Variants in PRKCD observed in about 807,000 individuals in gnomAD.
PRKCD encodes protein kinase C delta type.
PRKCD carries 20 observed loss-of-function variants against 82.2 expected under a neutral mutation model. The observed-to-expected ratio is 0.24, with a 90% CI of 0.17 to 0.35. The LOEUF is 0.35. Among genes scored for constraint, PRKCD ranks in the 10% least tolerant of loss-of-function variants. The pLI is 1.00. For missense variants in PRKCD, 607 were observed against 899.0 expected (o/e 0.68, Z 4.15); for synonymous variants, 317 against 337.0 (o/e 0.94, Z 0.65).
At chr3:53,188,895 G>A (rs923655070) in intron 16 of PRKCD, 37 bp downstream of exon 16, 2 of 1,609,448 alleles carry the variant, frequency 1.2e-6, no homozygotes, top group South Asian at 2.2e-5. Context: ...GCTCAGTCAG[G>A]CACCTTGCCT....
intron 14 of PRKCD, 75 bp from the exon 15 acceptor site, chr3:53,187,265 G>A: frequency 6.6e-7 from 1 of 1,506,274 alleles, no homozygotes; most frequent in Non-Finnish European, 9.2e-7. Flanking sequence ...CCTGGAAGTG[G>A]GGTTGAGGGC....
At chr3:53,167,096 C>T (rs1363835007) in intron 2 of PRKCD, among the ~76,000 whole-genome samples, 1 of 152,214 alleles carries the variant, frequency 6.6e-6, no homozygotes, top group Admixed American at 6.5e-5. Flanking sequence ...TTCCCAAAGC[C>T]TGGGCCTAGG....
chr3:53,172,470 C>T (rs2107236620), intron 2 of PRKCD, among the ~76,000 whole-genome samples: 1 of 152,340 alleles, frequency 6.6e-6, no homozygotes, highest in East Asian at 1.9e-4. Flanking sequence ...GCCTTGGTCT[C>T]CTCCGCCCTC....
At chr3:53,165,301 A>T (rs1437784873) in intron 2 of PRKCD, 86 bp downstream of exon 2, 1 of 152,460 alleles carries the variant, frequency 6.6e-6, no homozygotes, top group Admixed American at 6.5e-5. Context: ...GTGGAACTGG[A>T]TGGGGTTGGG....
intron 2 of PRKCD, among the ~76,000 whole-genome samples, chr3:53,175,574 A>G (rs1340586689): frequency 6.6e-6 from 1 of 152,142 alleles, no homozygotes; most frequent in African/African-American, 2.4e-5. Context: ...CGGCCTGGCC[A>G]TCATTTTGCC....
At chr3:53,164,904 G>A (rs1553663597) in intron 1 of PRKCD, among the ~76,000 whole-genome samples, 200 bp from the exon 2 acceptor site, 2 of 152,150 alleles carry the variant, frequency 1.3e-5, no homozygotes, top group African/African-American at 4.8e-5. Context: ...CCCCTACCAT[G>A]GAGTGGACAA....
At position 53,180,958 on chromosome 3, in the gene PRKCD, T is replaced by C. The variant is rs529047726; in HGVS notation, c.316-249T>C. ...CCGCTCTATTCCCCAGCTATGTGTC[T>C]GGGCTGGGTGTGGGCTGGACCCTTT... On this transcript the variant is annotated intron_variant, in intron 4 of 18. Transcript: ENST00000330452. 1.3e-3 allele frequency among the ~76,000 whole-genome samples: 191 copies of C among 148,648 alleles called. 1 individual carries two copies. The highest frequency in any genetic ancestry group is 2.1e-3 in the Non-Finnish European group (139 of 67,456).
Position 53,178,536 on chromosome 3 carries a change from A to G in PRKCD, c.114A>G (p.Thr38=), listed in dbSNP as rs782036073. ...TGAAGATGAAGGAGGCGCTCAGCAC[A>G]GGTAGGCCTGGAGGCTGGACCCTGG... The part of the protein sequence containing the change: ...CAVKMKEALS[T]ERGKTLVQKK... The change falls in exon 3 of 19, where the codon ACA becomes ACG. Residue 38 remains threonine (T), a splice_region_variant and synonymous_variant. Coordinates refer to ENST00000330452, the MANE Select transcript of PRKCD (RefSeq NM_006254.4). 4.3e-6 allele frequency: 7 copies of G among 1,611,686 alleles called. No homozygotes were observed. The highest frequency in any genetic ancestry group is 5.9e-6 in the Non-Finnish European group (7 of 1,179,100).
At chr3:53,168,464 G>A (rs1227582454) in intron 2 of PRKCD, among the ~76,000 whole-genome samples, 1 of 152,158 alleles carries the variant, frequency 6.6e-6, no homozygotes, top group Admixed American at 6.5e-5. Flanking sequence ...GGGCCTGGGC[G>A]GGAAGTGTGG....
rs2107257817 is a variant in PRKCD at position 53,179,807 on chromosome 3, T to TGTGC, written c.315+34_315+35insCGTG. On this transcript the variant is annotated intron_variant, in intron 4 of 18. Transcript: ENST00000330452. Reference sequence around the variant, plus strand: ...GGGCGCACGAGCCGTGCCGTGTGTGTGTGTGTGTGTGTCTGTGTGTGTGTG... The same window carrying TGTGC: ...GGGCGCACGAGCCGTGCCGTGTGTGTGTGCGTGTGTGTGTGTCTGTGTGTGTGTG... The TGTGC allele has an allele frequency of 6.5e-7, 1 of 1,548,826 alleles. No individual in the cohort carries two copies.
At chr3:53,182,414 G>A (rs984173959) in intron 7 of PRKCD, among the ~76,000 whole-genome samples, 6 of 151,970 alleles carry the variant, frequency 3.9e-5, no homozygotes, top group African/African-American at 9.7e-5. Context: ...GATTACAGGC[G>A]TGCACCACCA....
intron 9 of PRKCD, among the ~76,000 whole-genome samples, chr3:53,183,812 G>T (rs1183223423): frequency 6.6e-6 from 1 of 152,242 alleles, no homozygotes; most frequent in Non-Finnish European, 1.5e-5. Flanking sequence ...GCCATTTGGA[G>T]GAGAAAAGCA....
intron 9 of PRKCD, 69 bp from the exon 10 acceptor site, chr3:53,184,805 C>T: frequency 7.3e-7 from 1 of 1,363,468 alleles, no homozygotes; most frequent in South Asian, 1.2e-5. Flanking sequence ...TCTCCTGCGC[C>T]TCTCCTACAC....
chr3:53,172,911 G>A (rs779047909), intron 2 of PRKCD, among the ~76,000 whole-genome samples: 2 of 152,206 alleles, frequency 1.3e-5, no homozygotes, highest in Non-Finnish European at 2.9e-5. Context: ...GAACACCAGG[G>A]AAGGGGTGGG....
In PRKCD at chr3:53,187,328, T is replaced by C. The variant is rs1703742562; in HGVS notation, c.1353-12T>C. 2 of 1,613,956 alleles carry C rather than the reference T, an allele frequency of 1.2e-6. No individual in the cohort carries two copies. The highest frequency in any genetic ancestry group is 3.3e-5 in the Admixed American group (2 of 59,998). On this transcript the variant is annotated splice_polypyrimidine_tract_variant and intron_variant, in intron 14 of 18. Coordinates refer to ENST00000330452, the MANE Select transcript of PRKCD (RefSeq NM_006254.4). ...GAGATCCCGGAACACTTTATCCCTC[T>C]CTCTTGCCCAGGTTTTATGCCGCTG...
At chr3:53,178,363 G>A (rs1703290207) in intron 2 of PRKCD, 41 bp from the exon 3 acceptor site, 1 of 1,421,986 alleles carries the variant, frequency 7.0e-7, no homozygotes, top group Admixed American at 1.8e-5. Flanking sequence ...GTTCCCGCTG[G>A]TCCCGCCCGG....
At position 53,183,541 on chromosome 3, in the gene PRKCD, C is replaced by G; in HGVS notation, c.747C>G (p.Ser249Arg). The change falls in exon 9 of 19, where the codon AGC (serine) becomes AGG (arginine). Residue 249 changes from serine (S) to arginine (R), a missense_variant. This residue lies in a region of PRKCD where 109 missense variants were observed against 155.6 expected (regional missense o/e 0.70). Coordinates refer to ENST00000330452, the MANE Select transcript of PRKCD (RefSeq NM_006254.4). Reference protein sequence around the residue: ...MSPTFCDHCGSLLWGLVKQGL... With the variant: ...MSPTFCDHCGRLLWGLVKQGL... Reference sequence around the variant, plus strand: ...CCACCTTCTGTGACCACTGCGGCAGCCTGCTCTGGGGACTGGTGAAGCAGG... The same window carrying G: ...CCACCTTCTGTGACCACTGCGGCAGGCTGCTCTGGGGACTGGTGAAGCAGG... The G allele has an allele frequency of 1.2e-6, 2 of 1,614,248 alleles. No homozygotes were observed.
chr3:53,178,417 C>T lies in PRKCD; in HGVS notation c.-6C>T. The T allele has an allele frequency of 6.2e-7, 1 of 1,609,368 alleles. No homozygotes were observed. Among genetic ancestry groups the T allele is most frequent in the Non-Finnish European group, 8.5e-7 (1 of 1,178,530 alleles). On this transcript the variant is annotated 5_prime_UTR_variant, in exon 3 of 19. Coordinates refer to ENST00000330452, the MANE Select transcript of PRKCD (RefSeq NM_006254.4). ...CTGTGTGCACAGCCCCACTGCAGGC[C>T]CCACCATGGCGCCGTTCCTGCGCAT...
intron 2 of PRKCD, among the ~76,000 whole-genome samples, chr3:53,165,918 T>C (rs1289341612): frequency 1.3e-5 from 2 of 152,186 alleles, no homozygotes; most frequent in East Asian, 3.8e-4. Context: ...AAAACATTGC[T>C]GTGGGTGACT....
Sources: gnomAD v4.1 joint callset for allele counts (sites outside exome capture counted in the v4.1 genomes callset) on GRCh38, gnomAD v4.1.1 for gene constraint, gnomAD v4.1.1 regional missense constraint, MANE v1.5 for transcripts, NCBI Gene and HGNC (gene_info 2026-07-23, HGNC 2026-07-21) for gene names.